Variants in PTPRG observed in about 807,000 individuals in gnomAD.
PTPRG encodes protein tyrosine phosphatase receptor type G.
PTPRG carries 102 observed loss-of-function variants against 165.3 expected under a neutral mutation model. That is an observed-to-expected ratio of 0.62 (90% CI 0.53 to 0.73). The LOEUF is 0.73. Among genes scored for constraint, PTPRG ranks in the 30% least tolerant of loss-of-function variants. The pLI, the probability that PTPRG is intolerant of heterozygous loss-of-function variation, is 0.00. For missense variants in PTPRG, 1,866 were observed against 1,861.4 expected (o/e 1.00, Z -0.05); for synonymous variants, 675 against 669.5 (o/e 1.01, Z -0.13).
rs1699750107 is a variant in PTPRG, at chr3:61,561,577, C to T, written c.-711C>T. On this transcript the variant is annotated 5_prime_UTR_variant, in exon 1 of 30. Transcript: ENST00000474889. ...TGCCAGGATCCATGCTCACATGTTA[C>T]TTCCTGTATGGAGGCATGGCCAGTT... The T allele has an allele frequency of 6.6e-6, 1 of 152,252 alleles. No individual in the cohort carries two copies. The highest frequency in any genetic ancestry group is 1.5e-5 in the Non-Finnish European group (1 of 68,146). The allele number at this position is 152,252 out of a possible 1,614,324, so 9.4% of individuals were successfully genotyped here.
chr3:62,227,951 T>C (rs1317555448), intron 13 of PTPRG, among the ~76,000 whole-genome samples: 2 of 152,336 alleles, frequency 1.3e-5, no homozygotes, highest in East Asian at 1.9e-4. Context: ...TGTTCTCAGA[T>C]TCCCTTGTGT....
intron 4 of PTPRG, among the ~76,000 whole-genome samples, chr3:62,069,634 G>A (rs1391294800): frequency 9.1e-6 from 1 of 110,408 alleles, no homozygotes; most frequent in Non-Finnish European, 1.8e-5. Flanking sequence ...CCATAGGATC[G>A]ATGTCTCTCT....
intron 2 of PTPRG, among the ~76,000 whole-genome samples, chr3:61,987,154 C>T (rs2040782772): frequency 6.6e-6 from 1 of 152,156 alleles, no homozygotes; most frequent in Non-Finnish European, 1.5e-5. Context: ...CTGCTAATGA[C>T]ATAGGGGTTT....
At chr3:61,605,271 T>G (rs563488622) in intron 1 of PTPRG, among the ~76,000 whole-genome samples, 1 of 152,234 alleles carries the variant, frequency 6.6e-6, no homozygotes, top group Non-Finnish European at 1.5e-5. Flanking sequence ...TTTTTATTCT[T>G]TTGATACAGA....
intron 4 of PTPRG, among the ~76,000 whole-genome samples, chr3:62,049,297 C>T (rs747403758): frequency 1.3e-5 from 2 of 152,090 alleles, no homozygotes; most frequent in South Asian, 2.1e-4. Flanking sequence ...ACTGGTAAAA[C>T]GGGTTTTAGT....
chr3:62,220,689 A>G (rs1378541398), intron 13 of PTPRG, among the ~76,000 whole-genome samples: 2 of 152,162 alleles, frequency 1.3e-5, no homozygotes, highest in Non-Finnish European at 2.9e-5. Flanking sequence ...TCCCTTCTCC[A>G]GGAAAAAGTA....
At chr3:62,008,338 C>T (rs777039370) in intron 4 of PTPRG, among the ~76,000 whole-genome samples, 1 of 152,132 alleles carries the variant, frequency 6.6e-6, no homozygotes, top group Non-Finnish European at 1.5e-5. Context: ...TAAAAGATCA[C>T]GGGAGTTGTT....
At chr3:61,639,717 A>G (rs1054508033) in intron 1 of PTPRG, among the ~76,000 whole-genome samples, 1 of 152,092 alleles carries the variant, frequency 6.6e-6, no homozygotes, top group Non-Finnish European at 1.5e-5. Context: ...CTTGAACATT[A>G]TTGGTCTATA....
chr3:62,130,783 A>G (rs916394088), intron 5 of PTPRG, among the ~76,000 whole-genome samples: 12 of 152,140 alleles, frequency 7.9e-5, no homozygotes, highest in African/African-American at 2.9e-4. Flanking sequence ...TTCTAATGCA[A>G]TTTTGATTTG....
chr3:62,116,639 T>C (rs540677034), intron 5 of PTPRG, among the ~76,000 whole-genome samples: 48 of 152,128 alleles, frequency 3.2e-4, no homozygotes, highest in Non-Finnish European at 5.9e-5. Context: ...GGAAGCCTTC[T>C]AGAGTTCTGG....
At chr3:61,710,509 A>C (rs1324051162) in intron 1 of PTPRG, among the ~76,000 whole-genome samples, 1 of 152,178 alleles carries the variant, frequency 6.6e-6, no homozygotes, top group East Asian at 1.9e-4. Context: ...GATCATTCCA[A>C]GCTTGTCCAA....
intron 4 of PTPRG, among the ~76,000 whole-genome samples, chr3:62,027,509 G>T (rs1337307952): frequency 1.3e-5 from 2 of 152,158 alleles, no homozygotes; most frequent in Admixed American, 6.5e-5. Flanking sequence ...CAGTGTTTGA[G>T]ATCCTGGCTG....
intron 2 of PTPRG, among the ~76,000 whole-genome samples, chr3:61,958,518 A>T (rs71296749): frequency 6.6e-5 from 10 of 152,192 alleles, no homozygotes; most frequent in Non-Finnish European, 1.3e-4. Context: ...AAGGGTTCTT[A>T]ATGCTGCCTC....
chr3:61,934,083 G>C (rs2039427464), intron 2 of PTPRG, among the ~76,000 whole-genome samples: 1 of 152,226 alleles, frequency 6.6e-6, no homozygotes, highest in African/African-American at 2.4e-5. Flanking sequence ...CATTTAGCTT[G>C]TTCTACAGGG....
At chr3:61,605,369 C>T (rs1188284584) in intron 1 of PTPRG, among the ~76,000 whole-genome samples, 1 of 152,008 alleles carries the variant, frequency 6.6e-6, no homozygotes, top group African/African-American at 2.4e-5. Context: ...GATTCTCCTG[C>T]CTCAGCCTCC....
At chr3:61,624,886 A>G (rs762473168) in intron 1 of PTPRG, among the ~76,000 whole-genome samples, 10 of 152,146 alleles carry the variant, frequency 6.6e-5, no homozygotes, top group African/African-American at 2.4e-4. Context: ...AGGCTCAGAT[A>G]ACGGACATTT....
At chr3:62,204,427 T>C (rs1700177879) in intron 12 of PTPRG, among the ~76,000 whole-genome samples, 1 of 152,098 alleles carries the variant, frequency 6.6e-6, no homozygotes, top group African/African-American at 2.4e-5. Context: ...CTGGAGCGCA[T>C]GCCCAGAAGT....
In PTPRG at chr3:61,666,289, C is replaced by T. The variant is rs77862453; in HGVS notation, c.86-82589C>T. Among the ~76,000 whole-genome samples, 1,462 of 152,352 alleles carry T rather than the reference C, an allele frequency of 9.6e-3. 9 individuals carry two copies. Among genetic ancestry groups the T allele is most frequent in the Non-Finnish European group, 0.017 (1,125 of 68,040 alleles). Reference sequence around the variant, plus strand: ...TCTCTTCTGTTATCTGTCTGAATTACTTCTGGGCTTGACAGAGATGGGAAC... The same window carrying T: ...TCTCTTCTGTTATCTGTCTGAATTATTTCTGGGCTTGACAGAGATGGGAAC... On this transcript the variant is annotated intron_variant, in intron 1 of 29. Transcript: ENST00000474889.
At chr3:62,105,820 C>G (rs1317562261) in intron 5 of PTPRG, among the ~76,000 whole-genome samples, 7 of 152,140 alleles carry the variant, frequency 4.6e-5, no homozygotes, top group Non-Finnish European at 7.4e-5. Context: ...ATTCATATGT[C>G]AACGTAGATC....
Sources: allele counts gnomAD v4.1 joint callset (sites outside exome capture counted in the v4.1 genomes callset), GRCh38; gene constraint gnomAD v4.1.1; transcripts MANE v1.5; gene names NCBI Gene and HGNC (gene_info 2026-07-23, HGNC 2026-07-21).